CMC2: variants seen among roughly 807,000 people sequenced by gnomAD.
The protein encoded by CMC2 is C-X9-C motif containing 2, also known as COX assembly mitochondrial protein 2 homolog.
In CMC2, 5 loss-of-function variants were observed where a neutral mutation model predicts 7.5. The observed-to-expected ratio is 0.66, with a 90% CI of 0.35 to 1.40. The LOEUF is 1.40. Among genes scored for constraint, CMC2 ranks in the 40% most tolerant of loss-of-function variants. CMC2 has a pLI of 0.04. For missense variants in CMC2, 115 were observed against 92.3 expected (o/e 1.25, Z -1.01); for synonymous variants, 37 against 31.4 (o/e 1.18, Z -0.60).
intron 1 of CMC2, among the ~76,000 whole-genome samples, chr16:81,003,066 A>C (rs2602413): frequency 0.63 from 95,832 of 152,030 alleles, 31,729 homozygotes; most frequent in South Asian, 0.79. Context: ...ACCTATGCTC[A>C]CTTCCATCCA....
At chr16:80,980,180 G>A (rs763121564) in intron 3 of CMC2, among the ~76,000 whole-genome samples, 11 of 152,308 alleles carry the variant, frequency 7.2e-5, no homozygotes, top group African/African-American at 2.4e-4. Context: ...TCAGCCTCCC[G>A]AATAGCTGGG....
In CMC2 at chr16:80,971,678, T is replaced by A. The variant is rs188487183; in HGVS notation, c.*4415A>T. On this transcript the variant is annotated 3_prime_UTR_variant, in exon 4 of 4. Transcript: ENST00000219400. ...GTAGTAGTTACCACCAATAAAGAAA[T>A]AAGTGGAACGGGCTTGGGGTGACAA... The A allele has an allele frequency of 6.7e-6, 1 of 149,966 alleles. No individual in the cohort carries two copies. The highest frequency in any genetic ancestry group is 2.5e-5 in the African/African-American group (1 of 40,384). 9.3% of individuals were successfully genotyped at this position (149,966 alleles called of 1,614,324 possible).
Position 80,969,390 on chromosome 16 carries a change from A to G in CMC2, c.*6703T>C. 1 of 152,450 alleles carries G rather than the reference A, an allele frequency of 6.6e-6. No individual in the cohort carries two copies. The highest frequency in any genetic ancestry group is 1.5e-5 in the Non-Finnish European group (1 of 68,106). 9.4% of individuals were successfully genotyped at this position (152,450 alleles called of 1,614,324 possible). ...ATTCACTGCAAAGCCCGGAGGGCCA[A>G]TTTGAGAACAGCAATTGGTACTGGG... On this transcript the variant is annotated 3_prime_UTR_variant, in exon 4 of 4. Coordinates refer to ENST00000219400, the MANE Select transcript of CMC2 (RefSeq NM_020188.5).
rs1044532283 is a variant in CMC2 at position 80,973,882 on chromosome 16, G to A, written c.*2211C>T. ...GGTGGTTTGAATATCCCATAAAAAC[G>A]TACTCATATATTACTTATAAAATTT... On this transcript the variant is annotated 3_prime_UTR_variant, in exon 4 of 4. Transcript: ENST00000219400. 1.1e-4 allele frequency: 16 copies of A among 152,242 alleles called. No individual in the cohort carries two copies. The highest frequency in any genetic ancestry group is 3.1e-4 in the African/African-American group (13 of 41,544). 9.4% of individuals were successfully genotyped at this position (152,242 alleles called of 1,614,324 possible).
rs188250474 is a variant in CMC2, at chr16:80,989,417, C to T, written c.82-7540G>A. Among the ~76,000 whole-genome samples the T allele has an allele frequency of 3.4e-4, 52 of 152,280 alleles. 2 individuals are homozygous for T. In the East Asian group the frequency reaches 9.9e-3, roughly 29 times the overall value. ...TTATATTATTTTCATTACTTTGATGCTCTGCCCCATTTTTGGCCAGTGGGA... is the reference window on the plus strand; with the variant it reads ...TTATATTATTTTCATTACTTTGATGTTCTGCCCCATTTTTGGCCAGTGGGA... On this transcript the variant is annotated intron_variant, in intron 2 of 3. Transcript: ENST00000219400.
intron 1 of CMC2, chr16:80,998,729 G>A (rs1257247856): frequency 6.6e-6 from 1 of 152,138 alleles, no homozygotes; most frequent in Non-Finnish European, 1.5e-5. Context: ...CTACAACATG[G>A]ATGAAATGTG....
At chr16:81,004,353 G>T (rs1017225866) in intron 1 of CMC2, among the ~76,000 whole-genome samples, 1 of 152,352 alleles carries the variant, frequency 6.6e-6, no homozygotes, top group African/African-American at 2.4e-5. Flanking sequence ...TATTTGAATA[G>T]AATAATATTT....
chr16:80,976,688 C>A (rs1224906821), intron 3 of CMC2, among the ~76,000 whole-genome samples: 1 of 152,176 alleles, frequency 6.6e-6, no homozygotes, highest in Non-Finnish European at 1.5e-5. Context: ...TGAGAGGTAG[C>A]CTGTCTAACT....
rs1385201681 is a variant in CMC2, at chr16:80,967,689, T to A, written c.*8404A>T. 6.6e-6 allele frequency: 1 copy of A among 152,206 alleles called. No homozygotes were observed. The highest frequency in any genetic ancestry group is 1.5e-5 in the Non-Finnish European group (1 of 68,042). The allele number at this position is 152,206 out of a possible 1,614,324, so 9.4% of individuals were successfully genotyped here. A position where few individuals can be genotyped will look rare whatever the true frequency, so the allele number is the denominator to read the frequency against. ...GCAAGTCCAATCATTAGCTCAATAA[T>A]CCAATCATAGCATTTTAGGAAATAT... On this transcript the variant is annotated 3_prime_UTR_variant, in exon 4 of 4. Transcript: ENST00000219400.
intron 1 of CMC2, chr16:80,997,697 A>G (rs1416775884): frequency 4.5e-6 from 1 of 220,110 alleles, no homozygotes; most frequent in Admixed American, 5.6e-5. Context: ...GGAAATAAGC[A>G]CTAAAGCAGA....
Position 80,974,518 on chromosome 16 carries a change from T to A in CMC2, c.*1575A>T, listed in dbSNP as rs1006164254. The A allele has an allele frequency of 6.7e-6, 1 of 149,950 alleles. No homozygotes were observed. The highest frequency in any genetic ancestry group is 1.9e-4 in the East Asian group (1 of 5,200). 9.3% of individuals were successfully genotyped at this position (149,950 alleles called of 1,614,324 possible). The stretch of plus-strand genomic sequence containing the variant: ...CTTCCTCCACTCTAAGCTCCCATAT[T>A]CTAGTCATGCTAAATGCCTTAAAGT... On this transcript the variant is annotated 3_prime_UTR_variant, in exon 4 of 4. Coordinates refer to ENST00000219400, the MANE Select transcript of CMC2 (RefSeq NM_020188.5).
At chr16:80,988,866 T>C (rs1182313641) in intron 2 of CMC2, among the ~76,000 whole-genome samples, 2 of 152,178 alleles carry the variant, frequency 1.3e-5, no homozygotes, top group Admixed American at 1.3e-4. Flanking sequence ...TTGAAACAGC[T>C]TGTCTCTTTT....
rs1034798485 is a variant in CMC2 at position 80,974,884 on chromosome 16, C to G, written c.*1209G>C. On this transcript the variant is annotated 3_prime_UTR_variant, in exon 4 of 4. Transcript: ENST00000219400. ...CTGAATGTCTGTTATGCTCTGTAAT[C>G]GACGTACTGAGCGAAAGTCCAGCTT... The G allele has an allele frequency of 6.6e-6, 1 of 152,234 alleles. No homozygotes were observed. The highest frequency in any genetic ancestry group is 1.5e-5 in the Non-Finnish European group (1 of 68,056). 9.4% of individuals were successfully genotyped at this position (152,234 alleles called of 1,614,324 possible).
At chr16:80,986,653 A>C (rs2151628520) in intron 2 of CMC2, among the ~76,000 whole-genome samples, 1 of 152,370 alleles carries the variant, frequency 6.6e-6, no homozygotes, top group African/African-American at 2.4e-5. Context: ...ATGGTTCAAG[A>C]GAGATTCGGC....
chr16:80,977,449 T>G (rs999711776), intron 3 of CMC2, among the ~76,000 whole-genome samples: 2 of 152,080 alleles, frequency 1.3e-5, no homozygotes, highest in East Asian at 1.9e-4. Flanking sequence ...GGGAAAAGGG[T>G]AAAAGTAAAT....
chr16:81,003,541 G>C (rs1199678517), intron 1 of CMC2, among the ~76,000 whole-genome samples: 1 of 152,164 alleles, frequency 6.6e-6, no homozygotes, highest in African/African-American at 2.4e-5. Flanking sequence ...ACAGTAGTTA[G>C]CTGCAAAGTC....
rs1212388165 is a variant in CMC2 at position 80,971,791 on chromosome 16, G to C, written c.*4302C>G. The C allele has an allele frequency of 6.6e-6, 1 of 151,850 alleles. No individual in the cohort carries two copies. Among genetic ancestry groups the C allele is most frequent in the Non-Finnish European group, 1.5e-5 (1 of 67,998 alleles). 9.4% of individuals were successfully genotyped at this position (151,850 alleles called of 1,614,324 possible). A position where few individuals can be genotyped will look rare whatever the true frequency, so the allele number is the denominator to read the frequency against. ...TGACTTAGATAGCAGCTATGTGAGT[G>C]TTCGTATTAGTCTGTATAGTTTTCT... On this transcript the variant is annotated 3_prime_UTR_variant, in exon 4 of 4. Transcript: ENST00000219400.
intron 3 of CMC2, among the ~76,000 whole-genome samples, chr16:80,977,883 C>A (rs914491532): frequency 6.6e-6 from 1 of 152,098 alleles, no homozygotes; most frequent in Admixed American, 6.5e-5. Flanking sequence ...ACCAGCCTGG[C>A]CAACATGGTG....
At chr16:81,003,939 G>C (rs1369598116) in intron 1 of CMC2, among the ~76,000 whole-genome samples, 1 of 152,196 alleles carries the variant, frequency 6.6e-6, no homozygotes, top group African/African-American at 2.4e-5. Flanking sequence ...TAACTTATGT[G>C]AGGCTGGAAG....
Sources: allele counts gnomAD v4.1 joint callset (sites outside exome capture counted in the v4.1 genomes callset), GRCh38; gene constraint gnomAD v4.1.1; transcripts MANE v1.5; gene names NCBI Gene and HGNC (gene_info 2026-07-23, HGNC 2026-07-21).